TTC29: variants seen among roughly 807,000 people sequenced by gnomAD.
The protein encoded by TTC29 is tetratricopeptide repeat protein 29.
A neutral mutation model predicts 58.1 loss-of-function variants in TTC29; 49 were observed. The observed-to-expected ratio is 0.84, with a 90% confidence interval of 0.67 to 1.07. The LOEUF is 1.07. TTC29 is among the 50% of genes least tolerant of loss of function. The pLI is 0.00. For synonymous variants in TTC29, 209 were observed against 196.8 expected (o/e 1.06, Z -0.52); for missense variants, 582 against 555.6 (o/e 1.05, Z -0.48).
intron 5 of TTC29, 141 bp downstream of exon 5, chr4:146,908,885 T>A: frequency 6.9e-6 from 5 of 725,296 alleles, no homozygotes; most frequent in Non-Finnish European, 1.1e-5. Context: ...CTTAATTCCA[T>A]AAAGACGTTT....
intron 7 of TTC29, among the ~76,000 whole-genome samples, chr4:146,871,749 T>A (rs1730945711): frequency 6.6e-6 from 1 of 151,476 alleles, no homozygotes. Context: ...TTGAAAAAAA[T>A]TAAAGAATAT....
intron 10 of TTC29, among the ~76,000 whole-genome samples, chr4:146,817,271 A>G (rs13147082): frequency 0.31 from 47,779 of 152,054 alleles, 8,197 homozygotes; most frequent in African/African-American, 0.45. Flanking sequence ...AATCACAAGC[A>G]TTCTTATACA....
intron 10 of TTC29, among the ~76,000 whole-genome samples, chr4:146,814,430 T>TGG (rs1751244969): frequency 1.2e-5 from 1 of 86,376 alleles, no homozygotes; most frequent in African/African-American, 4.6e-5. Context: ...TAAAAAAAAG[T>TGG]TGGGGGGTGG....
At chr4:146,932,364 ATAGAGAATTTATTACTT>A (rs928520253) in intron 4 of TTC29, among the ~76,000 whole-genome samples, 1 of 152,206 alleles carries the variant, frequency 6.6e-6, no homozygotes, top group African/African-American at 2.4e-5. Flanking sequence ...ACAAACCTCC[ATAGAGAATTTATTACTT>A]TACCAAAGAG....
At chr4:146,884,460 AATC>A (rs1731844825) in intron 6 of TTC29, among the ~76,000 whole-genome samples, 1 of 152,090 alleles carries the variant, frequency 6.6e-6, no homozygotes, top group South Asian at 2.1e-4. Flanking sequence ...GGTATATTAC[AATC>A]ATCAATGCTT....
chr4:146,752,936 A>G lies in TTC29; in HGVS notation c.1331-45385T>C, dbSNP rs1374203029. 5.9e-5 allele frequency among the ~76,000 whole-genome samples: 9 copies of G among 152,370 alleles called. No homozygotes were observed. The East Asian group carries it at 9.6e-4, about 16-fold the overall frequency. On this transcript the variant is annotated intron_variant, in intron 11 of 12. Transcript: ENST00000325106. ...TTAAAGACTTACATGTCAGGCCTAA[A>G]CCATAAAAACCCTAGAAGAAAACCT...
chr4:146,709,983 C>A (rs188915734), intron 11 of TTC29, among the ~76,000 whole-genome samples: 1 of 152,138 alleles, frequency 6.6e-6, no homozygotes, highest in Non-Finnish European at 1.5e-5. Flanking sequence ...GTCCTTCCTT[C>A]TGCCTCCCAC....
At chr4:146,802,958 T>C (rs1333593175) in intron 11 of TTC29, among the ~76,000 whole-genome samples, 21 of 152,146 alleles carry the variant, frequency 1.4e-4, no homozygotes, top group Admixed American at 9.8e-4. Context: ...TTCTATTGAA[T>C]AAGAAAAAGC....
chr4:146,745,538 T>C (rs1418585063), intron 11 of TTC29, among the ~76,000 whole-genome samples: 2 of 152,200 alleles, frequency 1.3e-5, no homozygotes, highest in Admixed American at 6.5e-5. Flanking sequence ...AGGCATTAAA[T>C]GAAATTGAGC....
chr4:146,731,047 G>T (rs1744291861), intron 11 of TTC29, among the ~76,000 whole-genome samples: 1 of 152,138 alleles, frequency 6.6e-6, no homozygotes, highest in African/African-American at 2.4e-5. Context: ...AATTGTTGGA[G>T]GTAATGGCTT....
At chr4:146,837,858 T>A (rs1405307749) in intron 8 of TTC29, among the ~76,000 whole-genome samples, 1 of 151,898 alleles carries the variant, frequency 6.6e-6, no homozygotes, top group East Asian at 1.9e-4. Context: ...ATAAGTGAAT[T>A]TGTCTATTTT....
At chr4:146,847,586 T>C (rs1340726700) in intron 8 of TTC29, among the ~76,000 whole-genome samples, 3 of 152,088 alleles carry the variant, frequency 2.0e-5, no homozygotes, top group Admixed American at 6.5e-5. Flanking sequence ...CGGCTCTTCA[T>C]CTTGAGAATT....
chr4:146,824,337 T>G (rs1256002492), intron 9 of TTC29, among the ~76,000 whole-genome samples: 2 of 152,170 alleles, frequency 1.3e-5, no homozygotes, highest in Admixed American at 6.5e-5. Flanking sequence ...ATCGAAGGCC[T>G]TTTCTGCATC....
rs1736056788 is a variant in TTC29 at position 146,938,473 on chromosome 4, C to G, written c.93-796G>C. On this transcript the variant is annotated intron_variant, in intron 3 of 12. Transcript: ENST00000325106. ...TGAGATTTGGCTATGCTTTTGCTCACCTTGAAAACAAAATATAAATTAAAT... is the reference window on the plus strand; with the variant it reads ...TGAGATTTGGCTATGCTTTTGCTCAGCTTGAAAACAAAATATAAATTAAAT... Among the ~76,000 whole-genome samples the G allele has an allele frequency of 2.0e-5, 3 of 151,976 alleles. No homozygotes were observed. The South Asian group carries it at 6.2e-4, about 32-fold the overall frequency.
chr4:146,929,374 G>C lies in TTC29; in HGVS notation c.176+8220C>G, dbSNP rs1031130630. On this transcript the variant is annotated intron_variant, in intron 4 of 12. Coordinates refer to ENST00000325106, the MANE Select transcript of TTC29 (RefSeq NM_031956.4). ...CCTTGCCCTTGTCCCCAGACAGTCT[G>C]TCCTTTTCACAGTGGCCAATTATTT... Among the ~76,000 whole-genome samples, 26 of 152,146 alleles carry C rather than the reference G, an allele frequency of 1.7e-4. 1 individual carries two copies. Among genetic ancestry groups the C allele is most frequent in the Non-Finnish European group, 2.9e-5 (2 of 68,030 alleles).
chr4:146,815,563 G>A (rs1450302291), intron 10 of TTC29, among the ~76,000 whole-genome samples: 1 of 152,162 alleles, frequency 6.6e-6, no homozygotes, highest in Non-Finnish European at 1.5e-5. Context: ...CATATGGATA[G>A]TATTTAAAAG....
chr4:146,776,741 A>C (rs1162918707), intron 11 of TTC29, among the ~76,000 whole-genome samples: 1 of 152,228 alleles, frequency 6.6e-6, no homozygotes, highest in East Asian at 1.9e-4. Flanking sequence ...CTGCTCAAGT[A>C]TGCTAGCACA....
At chr4:146,717,714 G>C (rs1477669811) in intron 11 of TTC29, among the ~76,000 whole-genome samples, 1 of 152,134 alleles carries the variant, frequency 6.6e-6, no homozygotes. Flanking sequence ...TGTGTGTCCA[G>C]CACTTCAAAT....
intron 6 of TTC29, among the ~76,000 whole-genome samples, chr4:146,895,540 T>C (rs1732712474): frequency 6.6e-6 from 1 of 152,174 alleles, no homozygotes; most frequent in African/African-American, 2.4e-5. Flanking sequence ...GACTCAGTTC[T>C]CAAGGAGGGT....
Sources: allele counts gnomAD v4.1 joint callset (sites outside exome capture counted in the v4.1 genomes callset), GRCh38; gene constraint gnomAD v4.1.1; transcripts MANE v1.5; gene names NCBI Gene and HGNC (gene_info 2026-07-23, HGNC 2026-07-21).